TMOD1: variants seen among roughly 807,000 people sequenced by gnomAD.
TMOD1 encodes the protein tropomodulin 1.
In TMOD1, 17 loss-of-function variants were observed where a neutral mutation model predicts 40.6. That is an observed-to-expected ratio of 0.42 (90% CI 0.29 to 0.63). The LOEUF (loss-of-function observed/expected upper bound fraction) is 0.63. Ranked by LOEUF, TMOD1 falls within the 20% of genes least tolerant of loss-of-function variation. The pLI is 0.22. For synonymous variants in TMOD1, 181 were observed against 175.0 expected (o/e 1.03, Z -0.27); for missense variants, 391 against 447.6 (o/e 0.87, Z 1.14).
Position 97,599,947 on chromosome 9 carries a change from C to T in TMOD1, c.*249C>T. ...TATTTAAAAACTAGAAGCCCCCAAA[C>T]CAGCAGATCTTACTGAAGATGATGT... On this transcript the variant is annotated 3_prime_UTR_variant, in exon 10 of 10. Transcript: ENST00000259365. 7.9e-7 allele frequency: 1 copy of T among 1,266,000 alleles called. No homozygotes were observed. Among genetic ancestry groups the T allele is most frequent in the Middle Eastern group, 3.2e-4 (1 of 3,150 alleles). 78.4% of individuals were successfully genotyped at this position (1,266,000 alleles called of 1,614,324 possible).
intron 2 of TMOD1, among the ~76,000 whole-genome samples, chr9:97,542,184 G>A (rs544039673): frequency 2.6e-5 from 4 of 152,266 alleles, no homozygotes; most frequent in South Asian, 2.1e-4. Flanking sequence ...TTTTGAAAAC[G>A]AGTTAAAGTG....
At chr9:97,539,724 T>C (rs1030233321) in intron 2 of TMOD1, among the ~76,000 whole-genome samples, 1 of 152,158 alleles carries the variant, frequency 6.6e-6, no homozygotes, top group Non-Finnish European at 1.5e-5. Context: ...CCCAGCACTT[T>C]GGGAGGCCGA....
intron 2 of TMOD1, among the ~76,000 whole-genome samples, chr9:97,531,334 G>C (rs757315276): frequency 1.1e-4 from 17 of 152,218 alleles, no homozygotes; most frequent in Admixed American, 2.6e-4. Context: ...GAACAGGCTG[G>C]GTGTGGTGGC....
intron 1 of TMOD1, among the ~76,000 whole-genome samples, chr9:97,508,428 G>C (rs1829636144): frequency 6.6e-6 from 1 of 152,106 alleles, no homozygotes; most frequent in African/African-American, 2.4e-5. Flanking sequence ...GACCTCAGGT[G>C]ATCCACCCAC....
intron 5 of TMOD1, among the ~76,000 whole-genome samples, 186 bp from the exon 6 acceptor site, chr9:97,563,852 C>A (rs1038300968): frequency 7.2e-5 from 11 of 152,176 alleles, no homozygotes; most frequent in African/African-American, 2.7e-4. Flanking sequence ...CCAAGTAGAA[C>A]CCCAGCCTCC....
intron 2 of TMOD1, among the ~76,000 whole-genome samples, chr9:97,540,974 T>C (rs1194314180): frequency 6.6e-6 from 1 of 152,212 alleles, no homozygotes; most frequent in East Asian, 1.9e-4. Flanking sequence ...ATGAGAGTTC[T>C]AGTTGCTCTA....
chr9:97,553,410 G>A lies in TMOD1; in HGVS notation c.397+10G>A, dbSNP rs374014538. On this transcript the variant is annotated intron_variant, in intron 4 of 9. Coordinates refer to ENST00000259365, the MANE Select transcript of TMOD1 (RefSeq NM_003275.4). The stretch of plus-strand genomic sequence containing the variant: ...CTCTGTGACATTGCAGGTAAGAGGC[G>A]TTCCAGGAGCTTTCCACATCCTCCA... The A allele has an allele frequency of 9.1e-5, 147 of 1,613,936 alleles. No individual in the cohort carries two copies. Among genetic ancestry groups the A allele is most frequent in the African/African-American group, 1.9e-4 (14 of 74,922 alleles).
intron 4 of TMOD1, among the ~76,000 whole-genome samples, chr9:97,556,682 A>G (rs6478261): frequency 0.77 from 117,263 of 152,122 alleles, 45,473 homozygotes; most frequent in Middle Eastern, 0.87. Flanking sequence ...CAGAGTCTAC[A>G]TTAAACAAAC....
At chr9:97,577,529 C>G (rs1825639183) in intron 8 of TMOD1, among the ~76,000 whole-genome samples, 1 of 152,178 alleles carries the variant, frequency 6.6e-6, no homozygotes, top group Admixed American at 6.5e-5. Flanking sequence ...TGGCTCATGC[C>G]TGTAACCCAG....
Position 97,565,932 on chromosome 9 carries a change from C to G in TMOD1, c.703C>G (p.Arg235Gly). 6.2e-7 allele frequency: 1 copy of G among 1,614,140 alleles called. No homozygotes were observed. The highest frequency in any genetic ancestry group is 8.5e-7 in the Non-Finnish European group (1 of 1,179,950). Residue 235 changes from arginine to glycine, a missense_variant, in exon 7 of 10, where the codon CGG becomes GGG. Transcript: ENST00000259365. ...YVKKFSIVGT[R>G]SNDPVAYALA... is the part of the protein sequence containing the mutation. ...GAAGAAGTTCAGCATCGTGGGGACA[C>G]GGAGTAATGACCCCGTGGCGTATGT...
intron 8 of TMOD1, among the ~76,000 whole-genome samples, chr9:97,586,874 TG>T (rs1279528080): frequency 1.3e-5 from 2 of 152,160 alleles, no homozygotes; most frequent in East Asian, 3.9e-4. Context: ...TCGCGCACGG[TG>T]CACGCACCCA....
At chr9:97,597,486 C>A (rs80283044) in intron 9 of TMOD1, among the ~76,000 whole-genome samples, 1 of 151,912 alleles carries the variant, frequency 6.6e-6, no homozygotes, top group East Asian at 1.9e-4. Flanking sequence ...ATCATGAGGT[C>A]AGGAGATCAA....
At chr9:97,531,903 G>A (rs1404241383) in intron 2 of TMOD1, among the ~76,000 whole-genome samples, 1 of 152,152 alleles carries the variant, frequency 6.6e-6, no homozygotes, top group African/African-American at 2.4e-5. Context: ...GGAAAGAGGG[G>A]TAAGGACTCA....
chr9:97,522,531 T>G (rs1829933912), intron 1 of TMOD1, among the ~76,000 whole-genome samples: 1 of 152,166 alleles, frequency 6.6e-6, no homozygotes, highest in Admixed American at 6.5e-5. Flanking sequence ...GGGTTAGAAC[T>G]TCAACATATG....
In TMOD1 at chr9:97,545,973, G is replaced by T. The variant is rs529586250; in HGVS notation, c.121-212G>T. 3.9e-5 allele frequency among the ~76,000 whole-genome samples: 6 copies of T among 152,240 alleles called. No individual in the cohort carries two copies. The South Asian group carries it at 1.0e-3, about 26-fold the overall frequency. On this transcript the variant is annotated intron_variant, in intron 2 of 9. Transcript: ENST00000259365. ...GAGTCCTAGCCTCTCTCTGCCCCTT[G>T]TCTGCCTTTGACCTTGGACAAGTCC...
chr9:97,587,695 C>G (rs1825911363), intron 8 of TMOD1, among the ~76,000 whole-genome samples: 1 of 152,056 alleles, frequency 6.6e-6, no homozygotes, highest in Admixed American at 6.6e-5. Context: ...CTATCTAATT[C>G]TAGAAAATTT....
At chr9:97,505,806 G>A (rs888096669) in intron 1 of TMOD1, among the ~76,000 whole-genome samples, 4 of 151,786 alleles carry the variant, frequency 2.6e-5, no homozygotes, top group African/African-American at 7.3e-5. Context: ...CATTTCTATC[G>A]CCACATCCAG....
chr9:97,546,744 C>G (rs1830365832), intron 3 of TMOD1, among the ~76,000 whole-genome samples: 1 of 152,076 alleles, frequency 6.6e-6, no homozygotes, highest in Non-Finnish European at 1.5e-5. Context: ...GCCTGGCCAA[C>G]ATGGCAAAAC....
intron 7 of TMOD1, among the ~76,000 whole-genome samples, chr9:97,567,944 C>A (rs1563993539): frequency 6.6e-6 from 1 of 152,170 alleles, no homozygotes; most frequent in Non-Finnish European, 1.5e-5. Flanking sequence ...TGTCTTTTTC[C>A]CTCCATGACG....
Sources: allele counts gnomAD v4.1 joint callset (sites outside exome capture counted in the v4.1 genomes callset), GRCh38; gene constraint gnomAD v4.1.1; transcripts MANE v1.5; gene names NCBI Gene and HGNC (gene_info 2026-07-23, HGNC 2026-07-21).